ITPK1: variants seen among roughly 807,000 people sequenced by gnomAD.
ITPK1 encodes the protein inositol-tetrakisphosphate 1-kinase.
A neutral mutation model predicts 45.3 loss-of-function variants in ITPK1; 21 were observed. The ratio of observed to expected loss-of-function variants is 0.46; its 90% confidence interval spans 0.33 to 0.67. The LOEUF (loss-of-function observed/expected upper bound fraction) is 0.67. Among genes scored for constraint, ITPK1 ranks in the 30% least tolerant of loss-of-function variants. ITPK1 has a pLI of 0.02. For synonymous variants in ITPK1, 258 were observed against 253.6 expected, an observed-to-expected ratio of 1.02 and a Z score of -0.16; for missense variants, 474 against 573.5, an observed-to-expected ratio of 0.83 and a Z score of 1.77.
intron 2 of ITPK1, among the ~76,000 whole-genome samples, chr14:93,093,622 G>T (rs1173686510): frequency 6.6e-6 from 1 of 152,188 alleles, no homozygotes; most frequent in Non-Finnish European, 1.5e-5. Context: ...CTGAGTCCGT[G>T]GATACAGAGG....
chr14:93,057,241 A>C (rs1302254904), intron 3 of ITPK1, among the ~76,000 whole-genome samples: 1 of 152,214 alleles, frequency 6.6e-6, no homozygotes, highest in African/African-American at 2.4e-5. Context: ...ACGCATACAC[A>C]GGCAGCCATG....
At chr14:92,971,504 GC>G (rs1156327515) in intron 5 of ITPK1, among the ~76,000 whole-genome samples, 2 of 152,198 alleles carry the variant, frequency 1.3e-5, no homozygotes, top group African/African-American at 4.8e-5. Context: ...TGAAAAACTC[GC>G]CGTACTATTG....
intron 4 of ITPK1, among the ~76,000 whole-genome samples, chr14:93,004,110 C>T (rs1322758559): frequency 6.6e-6 from 1 of 152,196 alleles, no homozygotes; most frequent in Non-Finnish European, 1.5e-5. Context: ...CAGAGCACAC[C>T]CACGGCATGG....
intron 2 of ITPK1, among the ~76,000 whole-genome samples, chr14:93,104,516 T>C (rs542926302): frequency 5.9e-5 from 9 of 151,772 alleles, no homozygotes; most frequent in Admixed American, 1.3e-4. Context: ...CGACGGCAGC[T>C]GGATGCTGTG....
At position 93,012,121 on chromosome 14, in the gene ITPK1, C is replaced by A. The variant is rs1448671029; in HGVS notation, c.246+4555G>T. ...ATCAGGGCACCCCATGAAAGGCCGC[C>A]CCAGCGCATGACCAGCACTGGGCAT... On this transcript the variant is annotated intron_variant, in intron 4 of 10. Transcript: ENST00000267615. This position sits in a 1 kb window ranked among gnomAD's most constrained non-coding sequence, Gnocchi z 4.9. Among the ~76,000 whole-genome samples, 3 of 152,170 alleles carry A rather than the reference C, an allele frequency of 2.0e-5. No individual in the cohort carries two copies. Among genetic ancestry groups the A allele is most frequent in the African/African-American group, 7.2e-5 (3 of 41,446 alleles).
In ITPK1 at chr14:92,958,157, C is replaced by A; in HGVS notation, c.670+44G>T. 1 of 1,598,566 alleles carries A rather than the reference C, an allele frequency of 6.3e-7. No individual in the cohort carries two copies. The highest frequency in any genetic ancestry group is 8.6e-7 in the Non-Finnish European group (1 of 1,166,260). ...CAGCTGCTGCCACATCCCAGCTGGG[C>A]CCCTGAGTCTTGCTCAGCCCAAGAT... On this transcript the variant is annotated intron_variant, in intron 8 of 10. Coordinates refer to ENST00000267615, the MANE Select transcript of ITPK1 (RefSeq NM_014216.6). The surrounding 1 kb of genome is among the most constrained non-coding windows in gnomAD (Gnocchi z 4.4).
chr14:93,037,572 C>A (rs1307282595), intron 3 of ITPK1, among the ~76,000 whole-genome samples: 1 of 152,058 alleles, frequency 6.6e-6, no homozygotes, highest in Non-Finnish European at 1.5e-5. Context: ...CAACGGGAGT[C>A]CAAGGCCAGG....
chr14:92,952,306 T>C (rs1434386336), intron 8 of ITPK1, among the ~76,000 whole-genome samples: 3 of 152,266 alleles, frequency 2.0e-5, no homozygotes, highest in African/African-American at 7.2e-5. Flanking sequence ...TCCCAAAGTG[T>C]GCTGTCACTA....
In ITPK1 at chr14:93,093,845, C is replaced by G. The variant is rs184453749; in HGVS notation, c.96-17226G>C. On this transcript the variant is annotated intron_variant, in intron 2 of 10. Coordinates refer to ENST00000267615, the MANE Select transcript of ITPK1 (RefSeq NM_014216.6). The stretch of plus-strand genomic sequence containing the variant: ...CTCCAATCCCACAAGCCCCTGGCTT[C>G]CACCCAGCAGCCAACCTCACACAAC... 6.4e-4 allele frequency among the ~76,000 whole-genome samples: 98 copies of G among 152,382 alleles called. 1 individual carries two copies. Among genetic ancestry groups the G allele is most frequent in the African/African-American group, 2.1e-3 (88 of 41,586 alleles).
intron 10 of ITPK1, 49 bp downstream of exon 10, chr14:92,946,282 G>T: frequency 6.2e-7 from 1 of 1,604,220 alleles, no homozygotes; most frequent in East Asian, 2.2e-5. Flanking sequence ...GGTCACCTGA[G>T]GACAGTCTCT....
chr14:93,115,310 C>A lies in ITPK1; in HGVS notation c.-142-5G>T, dbSNP rs576911104. On this transcript the variant is annotated splice_region_variant and splice_polypyrimidine_tract_variant and intron_variant, in intron 1 of 10. Coordinates refer to ENST00000267615, the MANE Select transcript of ITPK1 (RefSeq NM_014216.6). Reference sequence around the variant, plus strand: ...TCGGAGCTGGGGCGCGCAGTCCTGCCGCGCGGAGCGGAGCGGGGCGGGGCG... The same window carrying A: ...TCGGAGCTGGGGCGCGCAGTCCTGCAGCGCGGAGCGGAGCGGGGCGGGGCG... 1.8e-3 allele frequency: 684 copies of A among 385,124 alleles called. 4 individuals carry two copies. The highest frequency in any genetic ancestry group is 2.9e-3 in the Middle Eastern group (7 of 2,422). 23.9% of individuals were successfully genotyped at this position (385,124 alleles called of 1,614,324 possible). A position where few individuals can be genotyped will look rare whatever the true frequency, so the allele number is the denominator to read the frequency against.
intron 2 of ITPK1, among the ~76,000 whole-genome samples, chr14:93,094,035 C>A (rs1175544005): frequency 6.6e-6 from 1 of 152,240 alleles, no homozygotes; most frequent in Non-Finnish European, 1.5e-5. Flanking sequence ...GCCCCCACCG[C>A]CTCGGCTCCA....
In ITPK1 at chr14:93,087,188, C is replaced by T. The variant is rs968447699; in HGVS notation, c.96-10569G>A. On this transcript the variant is annotated intron_variant, in intron 2 of 10. Coordinates refer to ENST00000267615, the MANE Select transcript of ITPK1 (RefSeq NM_014216.6). Reference sequence around the variant, plus strand: ...GGCTCCAGGGAGAAATCGATTCCTCCGCTTTCTCTAGTTCTAAAGGCTGTC... The same window carrying T: ...GGCTCCAGGGAGAAATCGATTCCTCTGCTTTCTCTAGTTCTAAAGGCTGTC... 8.5e-5 allele frequency among the ~76,000 whole-genome samples: 13 copies of T among 152,324 alleles called. No individual in the cohort carries two copies. The South Asian group carries it at 1.7e-3, about 19-fold the overall frequency.
At chr14:92,967,894 G>A (rs964540748) in intron 5 of ITPK1, among the ~76,000 whole-genome samples, 3 of 152,228 alleles carry the variant, frequency 2.0e-5, no homozygotes, top group Non-Finnish European at 2.9e-5. Context: ...ATGGTTGACA[G>A]GAGCTGGGGA....
chr14:93,062,445 T>C (rs1337049318), intron 3 of ITPK1, among the ~76,000 whole-genome samples: 1 of 149,200 alleles, frequency 6.7e-6, no homozygotes, highest in Non-Finnish European at 1.5e-5. Context: ...AAAGTTTAAT[T>C]AAAAAAAAAA....
chr14:93,056,151 G>A (rs1890207122), intron 3 of ITPK1, among the ~76,000 whole-genome samples: 1 of 152,234 alleles, frequency 6.6e-6, no homozygotes, highest in Non-Finnish European at 1.5e-5. Context: ...TGTGTGAGTA[G>A]AGACTGGTGT....
chr14:93,080,553 C>T (rs1355129045), intron 2 of ITPK1, among the ~76,000 whole-genome samples: 1 of 152,130 alleles, frequency 6.6e-6, no homozygotes, highest in Non-Finnish European at 1.5e-5. Context: ...CTGCAGCACT[C>T]GCTATGGGTT....
chr14:93,094,747 GCA>G (rs1891998675), intron 2 of ITPK1, among the ~76,000 whole-genome samples: 1 of 152,194 alleles, frequency 6.6e-6, no homozygotes, highest in Non-Finnish European at 1.5e-5. Flanking sequence ...CCCACTGCAG[GCA>G]CAGGGAGAGG....
At chr14:92,999,801 C>A (rs139059460) in intron 4 of ITPK1, among the ~76,000 whole-genome samples, 1 of 152,226 alleles carries the variant, frequency 6.6e-6, no homozygotes, top group Non-Finnish European at 1.5e-5. Context: ...ATGCAATTTA[C>A]CCCAAAGCAA....
Sources: allele counts gnomAD v4.1 joint callset (sites outside exome capture counted in the v4.1 genomes callset), GRCh38; gene constraint gnomAD v4.1.1; non-coding constraint Gnocchi (gnomAD v3.1); transcripts MANE v1.5; gene names NCBI Gene and HGNC (gene_info 2026-07-23, HGNC 2026-07-21).